The following RSRC1 variants were observed in gnomAD, a reference collection of about 807,000 sequenced individuals.
The protein encoded by RSRC1 is arginine and serine rich coiled-coil 1.
In RSRC1, 39 loss-of-function variants were observed where a neutral mutation model predicts 49.1. The observed-to-expected ratio is 0.79, with a 90% CI of 0.61 to 1.04. The LOEUF is 1.04. Ranked by LOEUF, RSRC1 falls within the 50% of genes least tolerant of loss-of-function variation. The pLI, the probability that RSRC1 is intolerant of heterozygous loss-of-function variation, is 0.00. For missense variants in RSRC1, 388 were observed against 402.4 expected, an observed-to-expected ratio of 0.96 and a Z score of 0.31; for synonymous variants, 143 against 130.8, an observed-to-expected ratio of 1.09 and a Z score of -0.63.
intron 7 of RSRC1, among the ~76,000 whole-genome samples, chr3:158,492,860 C>G (rs918222965): frequency 1.5e-4 from 23 of 152,102 alleles, no homozygotes; most frequent in African/African-American, 4.8e-4. Context: ...ACTCCTCCCC[C>G]GCAACACACA....
intron 7 of RSRC1, among the ~76,000 whole-genome samples, chr3:158,518,148 A>ATT (rs72132266): frequency 0.19 from 8,345 of 44,030 alleles, 1,618 homozygotes; most frequent in South Asian, 0.26. Flanking sequence ...ATATATATAT[A>ATT]TTTTTTTTTT....
intron 1 of RSRC1, among the ~76,000 whole-genome samples, chr3:158,117,981 G>T (rs1410856231): frequency 1.3e-5 from 2 of 151,100 alleles, no homozygotes; most frequent in African/African-American, 4.9e-5. Context: ...GCTGGGTCTC[G>T]CTCTGTCTCC....
At chr3:158,222,115 C>G (rs1347218592) in intron 4 of RSRC1, among the ~76,000 whole-genome samples, 2 of 151,450 alleles carry the variant, frequency 1.3e-5, no homozygotes, top group Non-Finnish European at 3.0e-5. Context: ...AGTTTACGAT[C>G]AGTTATAATG....
At chr3:158,159,101 C>G (rs539688175) in intron 3 of RSRC1, among the ~76,000 whole-genome samples, 4 of 152,196 alleles carry the variant, frequency 2.6e-5, no homozygotes, top group African/African-American at 9.6e-5. Flanking sequence ...CAGTAAGGAA[C>G]AGTGTAGTTT....
chr3:158,451,148 C>T (rs1373474316), intron 6 of RSRC1, among the ~76,000 whole-genome samples: 1 of 151,808 alleles, frequency 6.6e-6, no homozygotes, highest in Non-Finnish European at 1.5e-5. Context: ...CTATATATTT[C>T]TTCTTATATA....
chr3:158,293,491 G>GT (rs1369677639), intron 4 of RSRC1, among the ~76,000 whole-genome samples: 1 of 151,922 alleles, frequency 6.6e-6, no homozygotes, highest in Non-Finnish European at 1.5e-5. Context: ...CTGGATTTTG[G>GT]TTTTTTATCC....
rs921083677 is a variant in RSRC1 at position 158,163,383 on chromosome 3, T to C, written c.320+39392T>C. 2.0e-5 allele frequency among the ~76,000 whole-genome samples: 3 copies of C among 152,176 alleles called. No homozygotes were observed. In the South Asian group the frequency reaches 6.2e-4, roughly 32 times the overall value. ...TTAATGATTCCCATTTTGAAGTTGC[T>C]GTAGACATTTTAGGGTGTTACAAAG... is the stretch of plus-strand genomic sequence containing the variant. On this transcript the variant is annotated intron_variant, in intron 3 of 9. Coordinates refer to ENST00000611884, the MANE Select transcript of RSRC1 (RefSeq NM_001271838.2).
At chr3:158,182,443 G>T (rs539990940) in intron 3 of RSRC1, among the ~76,000 whole-genome samples, 1 of 152,028 alleles carries the variant, frequency 6.6e-6, no homozygotes, top group African/African-American at 2.4e-5. Flanking sequence ...AAATCCCTTC[G>T]TAATTCACTG....
chr3:158,276,340 A>C, intron 4 of RSRC1: 2 of 770,298 alleles, frequency 2.6e-6, no homozygotes, highest in Admixed American at 3.4e-5. Flanking sequence ...CGGTACTGCC[A>C]GCAGCAGACC....
rs566535748 is a variant in RSRC1, at chr3:158,175,871, G to A, written c.321-27201G>A. Reference sequence around the variant, plus strand: ...CCTTATTTCATTAATTTGATCTTCAGTCACTGATACCCTTCACTGATACCC... The same window carrying A: ...CCTTATTTCATTAATTTGATCTTCAATCACTGATACCCTTCACTGATACCC... On this transcript the variant is annotated intron_variant, in intron 3 of 9. Coordinates refer to ENST00000611884, the MANE Select transcript of RSRC1 (RefSeq NM_001271838.2). 3.3e-5 allele frequency among the ~76,000 whole-genome samples: 5 copies of A among 151,972 alleles called. No individual in the cohort carries two copies. The South Asian group carries it at 8.3e-4, about 25-fold the overall frequency.
intron 6 of RSRC1, among the ~76,000 whole-genome samples, chr3:158,441,132 A>G (rs146364672): frequency 1.1e-3 from 165 of 152,178 alleles, no homozygotes; most frequent in African/African-American, 3.7e-3. Flanking sequence ...TGCTTCTCCT[A>G]CAGTCTGTTG....
chr3:158,375,837 A>G (rs1732326724), intron 6 of RSRC1, among the ~76,000 whole-genome samples: 1 of 152,212 alleles, frequency 6.6e-6, no homozygotes, highest in African/African-American at 2.4e-5. Context: ...AAACAATTAG[A>G]ATGTTTAGTT....
intron 7 of RSRC1, among the ~76,000 whole-genome samples, chr3:158,516,640 G>A (rs1057485117): frequency 4.5e-4 from 69 of 152,300 alleles, no homozygotes; most frequent in African/African-American, 1.2e-3. Context: ...GGAGCTTCCC[G>A]GCTGCTTTGT....
chr3:158,211,490 A>G (rs1005223737), intron 4 of RSRC1, among the ~76,000 whole-genome samples: 1 of 151,962 alleles, frequency 6.6e-6, no homozygotes, highest in Non-Finnish European at 1.5e-5. Context: ...TCTTCCACAT[A>G]GGGGAAGGAA....
chr3:158,448,136 A>C (rs1736821864), intron 6 of RSRC1, among the ~76,000 whole-genome samples: 1 of 151,936 alleles, frequency 6.6e-6, no homozygotes, highest in Non-Finnish European at 1.5e-5. Context: ...ACCGACTTCA[A>C]ATTGACATCA....
intron 5 of RSRC1, 81 bp from the exon 6 acceptor site, chr3:158,354,776 T>G (rs1252342083): frequency 2.0e-6 from 2 of 984,476 alleles, no homozygotes; most frequent in Non-Finnish European, 3.0e-6. Flanking sequence ...TGCAAACAAA[T>G]GCATTAATTT....
chr3:158,366,770 C>T (rs188728851), intron 6 of RSRC1, among the ~76,000 whole-genome samples: 1 of 152,236 alleles, frequency 6.6e-6, no homozygotes, highest in East Asian at 1.9e-4. Context: ...ATTGATTCTT[C>T]CTATCCATGA....
chr3:158,346,104 G>C (rs28402668), intron 5 of RSRC1, among the ~76,000 whole-genome samples: 10,982 of 152,066 alleles, frequency 0.072, 1,369 homozygotes, highest in African/African-American at 0.25. Context: ...TGTGACTTCA[G>C]ATTAGGTAAA....
At chr3:158,216,006 C>T (rs967810673) in intron 4 of RSRC1, among the ~76,000 whole-genome samples, 1 of 151,108 alleles carries the variant, frequency 6.6e-6, no homozygotes, top group African/African-American at 2.4e-5. Context: ...GAAGAGCATC[C>T]CTTATTATTT....
Sources: gnomAD v4.1 joint callset for allele counts (sites outside exome capture counted in the v4.1 genomes callset) on GRCh38, gnomAD v4.1.1 for gene constraint, MANE v1.5 for transcripts, NCBI Gene and HGNC (gene_info 2026-07-23, HGNC 2026-07-21) for gene names.